The following DPYSL2 variants were observed in gnomAD, a reference collection of about 807,000 sequenced individuals.
DPYSL2 encodes dihydropyrimidinase-related protein 2.
In DPYSL2, 13 loss-of-function variants were observed where a neutral mutation model predicts 69.9. The ratio of observed to expected loss-of-function variants is 0.19; its 90% confidence interval spans 0.12 to 0.30. The LOEUF (loss-of-function observed/expected upper bound fraction) is 0.30, where lower values mean the gene tolerates loss of function less well. Ranked by LOEUF, DPYSL2 falls within the 10% of genes least tolerant of loss-of-function variation. The probability of loss-of-function intolerance (pLI) is 1.00; values close to 1 mark genes in which losing one functional copy is unlikely to be tolerated. For missense variants in DPYSL2, 587 were observed against 918.9 expected (o/e 0.64, Z 4.67); for synonymous variants, 326 against 359.1 (o/e 0.91, Z 1.04).
At position 26,656,962 on chromosome 8, in the gene DPYSL2, T is replaced by C. The variant is rs1803406517; in HGVS notation, c.*1256T>C. 1 of 152,306 alleles carries C rather than the reference T, an allele frequency of 6.6e-6. No homozygotes were observed. Among genetic ancestry groups the C allele is most frequent in the Non-Finnish European group, 1.5e-5 (1 of 68,048 alleles). 9.4% of individuals were successfully genotyped at this position (152,306 alleles called of 1,614,324 possible). ...ACCAAAGTCACCAGTTCAGAAGTGC[T>C]AAGCTAATAGGAGTCTGACCCGAGG... is the stretch of plus-strand genomic sequence containing the variant. On this transcript the variant is annotated 3_prime_UTR_variant, in exon 14 of 14. Transcript: ENST00000521913.
chr8:26,598,365 C>T lies in DPYSL2; in HGVS notation c.628+14382C>T, dbSNP rs1255323113. 2.6e-5 allele frequency among the ~76,000 whole-genome samples: 4 copies of T among 152,184 alleles called. No homozygotes were observed. The highest frequency in any genetic ancestry group is 1.5e-5 in the Non-Finnish European group (1 of 68,036). On this transcript the variant is annotated intron_variant, in intron 3 of 13. Coordinates refer to ENST00000521913, the MANE Select transcript of DPYSL2 (RefSeq NM_001197293.3). The surrounding 1 kb of genome is among the most constrained non-coding windows in gnomAD (Gnocchi z 4.2). ...TTATTTTTTTGTGGATGTTTTAGAG[C>T]TCCTCCTCTCCATCTCCTGAATTTC...
intron 1 of DPYSL2, among the ~76,000 whole-genome samples, chr8:26,550,879 C>T (rs565445695): frequency 3.9e-5 from 6 of 152,216 alleles, no homozygotes; most frequent in African/African-American, 7.2e-5. Context: ...AGTCCCAGAG[C>T]GCAAGAGCTG....
chr8:26,626,640 A>C lies in DPYSL2; in HGVS notation c.817A>C (p.Met273Leu). 2 of 1,614,190 alleles carry C rather than the reference A, an allele frequency of 1.2e-6. No homozygotes were observed. Among genetic ancestry groups the C allele is most frequent in the Non-Finnish European group, 1.7e-6 (2 of 1,180,042 alleles). Residue 273 changes from methionine to leucine, a missense_variant, in exon 5 of 14, where the codon ATG (methionine) becomes CTG (leucine). Coordinates refer to ENST00000521913, the MANE Select transcript of DPYSL2 (RefSeq NM_001197293.3). The surrounding 1 kb of genome is among the most constrained non-coding windows in gnomAD (Gnocchi z 4.3). Reference protein sequence around the residue: ...DHGVNSFLVYMAFKDRFQLTD... With the variant: ...DHGVNSFLVYLAFKDRFQLTD... ...AGGGGTAAATTCCTTCCTCGTGTAC[A>C]TGGCTTTCAAAGATCGCTTCCAGCT...
rs555562963 is a variant in DPYSL2 at position 26,530,212 on chromosome 8, C to T, written c.354+15533C>T. 1.5e-4 allele frequency among the ~76,000 whole-genome samples: 23 copies of T among 152,002 alleles called. No individual in the cohort carries two copies. The South Asian group carries it at 4.6e-3, about 30-fold the overall frequency. ...TCTACAACTCTGTTCACTAAATCTC[C>T]TCCAATTTCAGTGACGTGACAGAAT... On this transcript the variant is annotated intron_variant, in intron 1 of 13. Coordinates refer to ENST00000521913, the MANE Select transcript of DPYSL2 (RefSeq NM_001197293.3).
At chr8:26,603,700 T>G (rs546003968) in intron 3 of DPYSL2, among the ~76,000 whole-genome samples, 2 of 152,322 alleles carry the variant, frequency 1.3e-5, no homozygotes, top group Admixed American at 1.3e-4. Context: ...TGGCCCCTAT[T>G]CTATTATAGT....
At chr8:26,529,314 C>A (rs1399457926) in intron 1 of DPYSL2, among the ~76,000 whole-genome samples, 1 of 151,766 alleles carries the variant, frequency 6.6e-6, no homozygotes, top group African/African-American at 2.4e-5. Flanking sequence ...ATCTATCTAT[C>A]TATCTATCAT....
rs370695086 is a variant in DPYSL2 at position 26,517,198 on chromosome 8, T to G, written c.354+2519T>G. On this transcript the variant is annotated intron_variant, in intron 1 of 13. Transcript: ENST00000521913. The surrounding 1 kb of genome is among the most constrained non-coding windows in gnomAD (Gnocchi z 4.2). ...TGCTCATCTGTTGCACTAAGAGGCC[T>G]GCTGTTCCCCTAACAAGGCTTTGGG... 3.9e-4 allele frequency among the ~76,000 whole-genome samples: 59 copies of G among 152,276 alleles called. No individual in the cohort carries two copies. The highest frequency in any genetic ancestry group is 1.4e-3 in the African/African-American group (58 of 41,552).
intron 7 of DPYSL2, among the ~76,000 whole-genome samples, chr8:26,630,816 C>T (rs1458581587): frequency 6.6e-6 from 1 of 152,158 alleles, no homozygotes; most frequent in Non-Finnish European, 1.5e-5. Flanking sequence ...TGCCTGCTAC[C>T]CCAACCCCTC....
chr8:26,650,317 C>T lies in DPYSL2; in HGVS notation c.1597-1940C>T, dbSNP rs1803255790. On this transcript the variant is annotated intron_variant, in intron 11 of 13. Transcript: ENST00000521913. This position sits in a 1 kb window ranked among gnomAD's most constrained non-coding sequence, Gnocchi z 5.3. ...ATGTCTCCATGGCCGAGGCTGCGCC[C>T]ATACTCTACCCAGTAGGGCACAAGA... Among the ~76,000 whole-genome samples the T allele has an allele frequency of 1.3e-5, 2 of 152,170 alleles. No individual in the cohort carries two copies. Among genetic ancestry groups the T allele is most frequent in the East Asian group, 3.9e-4 (2 of 5,176 alleles).
At chr8:26,607,330 C>T (rs981997823) in intron 3 of DPYSL2, among the ~76,000 whole-genome samples, 3 of 150,438 alleles carry the variant, frequency 2.0e-5, no homozygotes. Context: ...ACTAAAAATA[C>T]AAAAATTAAC....
intron 1 of DPYSL2, among the ~76,000 whole-genome samples, chr8:26,532,946 T>G (rs530005741): frequency 2.6e-5 from 4 of 152,222 alleles, no homozygotes; most frequent in African/African-American, 7.2e-5. Flanking sequence ...GCCAAACTGT[T>G]TCCCAAAGTG....
chr8:26,540,448 T>C (rs1800660282), intron 1 of DPYSL2, among the ~76,000 whole-genome samples: 1 of 152,198 alleles, frequency 6.6e-6, no homozygotes, highest in African/African-American at 2.4e-5. Context: ...CTCATTTAAA[T>C]AAATAATGGC....
intron 1 of DPYSL2, among the ~76,000 whole-genome samples, chr8:26,528,601 C>T (rs1358903099): frequency 2.0e-5 from 3 of 150,086 alleles, no homozygotes; most frequent in Admixed American, 1.3e-4. Flanking sequence ...GAGCCAAGAT[C>T]GCGCCACTGC....
intron 2 of DPYSL2, among the ~76,000 whole-genome samples, chr8:26,583,155 G>A (rs1014229540): frequency 1.3e-5 from 2 of 152,020 alleles, no homozygotes; most frequent in African/African-American, 4.8e-5. Context: ...TTAAAAAATT[G>A]GTAGAAAGAT....
intron 1 of DPYSL2, among the ~76,000 whole-genome samples, chr8:26,569,387 C>CAAAAAAAAAAAAAA (rs1563390314): frequency 3.6e-5 from 4 of 110,404 alleles, no homozygotes; most frequent in East Asian, 2.9e-4. Context: ...CAAAAAAAAA[C>CAAAAAAAAAAAAAA]CAAAGAAAAA....
intron 1 of DPYSL2, among the ~76,000 whole-genome samples, chr8:26,558,968 A>C (rs951869953): frequency 3.3e-5 from 5 of 152,194 alleles, no homozygotes; most frequent in Non-Finnish European, 7.3e-5. Context: ...TTTGAGACGG[A>C]GTCTCGCTCT....
At chr8:26,629,732 G>A (rs1802715117) in intron 7 of DPYSL2, among the ~76,000 whole-genome samples, 1 of 152,204 alleles carries the variant, frequency 6.6e-6, no homozygotes, top group African/African-American at 2.4e-5. Flanking sequence ...AAACATGCCT[G>A]AGGCTGATTT....
In DPYSL2 at chr8:26,556,221, G is replaced by A. The variant is rs1170525152; in HGVS notation, c.355-25748G>A. Among the ~76,000 whole-genome samples, 4 of 6,168 alleles carry A rather than the reference G, an allele frequency of 6.5e-4. 1 individual carries two copies. Among genetic ancestry groups the A allele is most frequent in the African/African-American group, 1.4e-3 (3 of 2,138 alleles). 4.0% of individuals were successfully genotyped at this position (6,168 alleles called of 152,430 possible). On this transcript the variant is annotated intron_variant, in intron 1 of 13. Coordinates refer to ENST00000521913, the MANE Select transcript of DPYSL2 (RefSeq NM_001197293.3). ...ATATACTATATATATACTATATATA[G>A]TATATATAGTATTTATATAATATAT...
In DPYSL2 at chr8:26,582,071, A is replaced by G. The variant is rs1430895393; in HGVS notation, c.443+14A>G. 4 of 1,597,656 alleles carry G rather than the reference A, an allele frequency of 2.5e-6. No individual in the cohort carries two copies. The African/African-American group carries it at 5.4e-5, about 21-fold the overall frequency. On this transcript the variant is annotated intron_variant, in intron 2 of 13. Transcript: ENST00000521913. This position sits in a 1 kb window ranked among gnomAD's most constrained non-coding sequence, Gnocchi z 4.1. ...TGGGTTGATCAAGTAAGTGTAACTC[A>G]TGATATACAGATGTATTTGAACACT... is the stretch of plus-strand genomic sequence containing the variant.
Sources: allele counts gnomAD v4.1 joint callset (sites outside exome capture counted in the v4.1 genomes callset), GRCh38; gene constraint gnomAD v4.1.1; non-coding constraint Gnocchi (gnomAD v3.1); transcripts MANE v1.5; gene names NCBI Gene and HGNC (gene_info 2026-07-23, HGNC 2026-07-21).